The following CNTN1 variants were observed in gnomAD, a reference collection of about 807,000 sequenced individuals.
CNTN1 encodes contactin-1.
In CNTN1, 38 loss-of-function variants were observed where a neutral mutation model predicts 126.4. The observed-to-expected ratio is 0.30, with a 90% CI of 0.23 to 0.39. The LOEUF is 0.39. CNTN1 is among the 10% of genes least tolerant of loss of function. CNTN1 has a pLI of 1.00. For synonymous variants in CNTN1, 413 were observed against 422.6 expected, an observed-to-expected ratio of 0.98 and a Z score of 0.28; for missense variants, 1,009 against 1,248.4, an observed-to-expected ratio of 0.81 and a Z score of 2.89.
At chr12:41,008,259 A>AAGAT (rs1948553147) in intron 17 of CNTN1, among the ~76,000 whole-genome samples, 1 of 152,218 alleles carries the variant, frequency 6.6e-6, no homozygotes, top group African/African-American at 2.4e-5. Context: ...TATGACTATT[A>AAGAT]AGATTGCCAC....
intron 1 of CNTN1, among the ~76,000 whole-genome samples, chr12:40,697,586 A>T (rs1439124272): frequency 1.3e-5 from 2 of 152,208 alleles, no homozygotes; most frequent in African/African-American, 4.8e-5. Flanking sequence ...GTCTCTTTGT[A>T]GCTTTCAGGT....
chr12:40,781,148 G>T (rs1003505363), intron 1 of CNTN1, among the ~76,000 whole-genome samples: 2 of 151,926 alleles, frequency 1.3e-5, no homozygotes, highest in African/African-American at 4.8e-5. Flanking sequence ...TGCATCTTGG[G>T]ACATAAGCTA....
At chr12:41,015,329 G>A (rs1948756840) in intron 18 of CNTN1, among the ~76,000 whole-genome samples, 1 of 152,026 alleles carries the variant, frequency 6.6e-6, no homozygotes, top group Non-Finnish European at 1.5e-5. Flanking sequence ...TAAATTCTGT[G>A]GATATCTGCT....
intron 15 of CNTN1, among the ~76,000 whole-genome samples, chr12:40,973,952 C>T (rs1054426376): frequency 1.3e-5 from 2 of 152,098 alleles, no homozygotes; most frequent in African/African-American, 4.8e-5. Flanking sequence ...ATATGGTCAG[C>T]TTACTATGTG....
chr12:40,885,586 G>A (rs1944002217), intron 1 of CNTN1, among the ~76,000 whole-genome samples: 1 of 151,904 alleles, frequency 6.6e-6, no homozygotes, highest in Non-Finnish European at 1.5e-5. Flanking sequence ...GATATTCATA[G>A]CATTTACCAT....
At chr12:41,032,801 C>T (rs1392658978) in intron 23 of CNTN1, among the ~76,000 whole-genome samples, 1 of 152,198 alleles carries the variant, frequency 6.6e-6, no homozygotes, top group Non-Finnish European at 1.5e-5. Flanking sequence ...TTTATCATGT[C>T]TCTCCATCCT....
At chr12:40,815,608 G>T (rs1352224157) in intron 1 of CNTN1, among the ~76,000 whole-genome samples, 1 of 152,118 alleles carries the variant, frequency 6.6e-6, no homozygotes, top group East Asian at 1.9e-4. Flanking sequence ...GAGACAACTT[G>T]ACTTCCTCTA....
At chr12:41,043,915 C>T (rs1243139290) in intron 23 of CNTN1, among the ~76,000 whole-genome samples, 3 of 141,772 alleles carry the variant, frequency 2.1e-5, no homozygotes, top group Non-Finnish European at 4.6e-5. Flanking sequence ...AACCAAACAC[C>T]GCATGTTCTC....
chr12:40,870,883 G>A (rs1943464156), intron 1 of CNTN1, among the ~76,000 whole-genome samples: 1 of 152,098 alleles, frequency 6.6e-6, no homozygotes, highest in Non-Finnish European at 1.5e-5. Context: ...TCCTTGGTTT[G>A]CAGATGTTTC....
At chr12:40,782,527 G>A (rs934793398) in intron 1 of CNTN1, among the ~76,000 whole-genome samples, 1 of 151,834 alleles carries the variant, frequency 6.6e-6, no homozygotes, top group Non-Finnish European at 1.5e-5. Flanking sequence ...TTACTGATTT[G>A]TAGATATCCA....
At chr12:41,024,163 T>A (rs923603094) in intron 20 of CNTN1, among the ~76,000 whole-genome samples, 1 of 152,172 alleles carries the variant, frequency 6.6e-6, no homozygotes, top group Non-Finnish European at 1.5e-5. Context: ...TTGCACTTCA[T>A]AATAGTTTCT....
intron 1 of CNTN1, among the ~76,000 whole-genome samples, chr12:40,746,199 C>A (rs990654443): frequency 6.6e-6 from 1 of 152,092 alleles, no homozygotes; most frequent in Non-Finnish European, 1.5e-5. Flanking sequence ...CAAATATTAG[C>A]AGTCTTACTA....
intron 1 of CNTN1, among the ~76,000 whole-genome samples, chr12:40,758,541 C>T (rs750533763): frequency 5.9e-5 from 9 of 152,046 alleles, no homozygotes; most frequent in Non-Finnish European, 1.2e-4. Context: ...CATTTATGGA[C>T]ACTCCACATT....
chr12:40,951,730 A>AG (rs1369737219), intron 14 of CNTN1, among the ~76,000 whole-genome samples: 6 of 150,102 alleles, frequency 4.0e-5, no homozygotes, highest in African/African-American at 1.5e-4. Flanking sequence ...AAAAAAAAAA[A>AG]AAAAAAAAAA....
At chr12:41,014,666 C>G (rs1245148082) in intron 18 of CNTN1, among the ~76,000 whole-genome samples, 2 of 152,094 alleles carry the variant, frequency 1.3e-5, no homozygotes, top group Non-Finnish European at 2.9e-5. Flanking sequence ...GTATCAAAAC[C>G]CATTTTTAAA....
chr12:40,760,770 C>T (rs1938828474), intron 1 of CNTN1, among the ~76,000 whole-genome samples: 1 of 151,560 alleles, frequency 6.6e-6, no homozygotes, highest in Admixed American at 6.6e-5. Flanking sequence ...TTTTTTATCC[C>T]CTTATAGGTG....
At chr12:41,050,317 G>T (rs1437614048) in intron 23 of CNTN1, among the ~76,000 whole-genome samples, 1 of 152,194 alleles carries the variant, frequency 6.6e-6, no homozygotes. Flanking sequence ...ATAAAGAAAA[G>T]AGGTTTAATT....
At chr12:40,749,873 G>GT (rs139833029) in intron 1 of CNTN1, among the ~76,000 whole-genome samples, 3,285 of 152,026 alleles carry the variant, frequency 0.022, 122 homozygotes, top group African/African-American at 0.075. Flanking sequence ...AGTCTAGGGT[G>GT]TTAGGGATGA....
chr12:40,901,044 C>T (rs1222293117), intron 1 of CNTN1, among the ~76,000 whole-genome samples: 1 of 152,172 alleles, frequency 6.6e-6, no homozygotes, highest in African/African-American at 2.4e-5. Context: ...TAGGAAGTAA[C>T]AAGCATATCT....
Sources: gnomAD v4.1 joint callset for allele counts (sites outside exome capture counted in the v4.1 genomes callset) on GRCh38, gnomAD v4.1.1 for gene constraint, MANE v1.5 for transcripts, NCBI Gene and HGNC (gene_info 2026-07-23, HGNC 2026-07-21) for gene names.